The following PCDHGB5 variants were observed in gnomAD, a reference collection of about 807,000 sequenced individuals.
PCDHGB5 encodes the protein protocadherin gamma subfamily B, 5.
PCDHGB5 carries 48 observed loss-of-function variants against 62.9 expected under a neutral mutation model. That is an observed-to-expected ratio of 0.76 (90% CI 0.61 to 0.97). The LOEUF (loss-of-function observed/expected upper bound fraction) is 0.97. Among genes scored for constraint, PCDHGB5 ranks in the 50% least tolerant of loss-of-function variants. The pLI, the probability that PCDHGB5 is intolerant of heterozygous loss-of-function variation, is 0.00. For missense variants in PCDHGB5, 1,118 were observed against 1,198.6 expected, an observed-to-expected ratio of 0.93 and a Z score of 0.99; for synonymous variants, 474 against 511.2, an observed-to-expected ratio of 0.93 and a Z score of 0.98.
At position 141,477,210 on chromosome 5, in the gene PCDHGB5, C is replaced by G. The variant is rs780852225; in HGVS notation, c.2398-17597C>G. 1.2e-6 allele frequency: 2 copies of G among 1,614,142 alleles called. No individual in the cohort carries two copies. The highest frequency in any genetic ancestry group is 1.7e-6 in the Non-Finnish European group (2 of 1,180,030). On this transcript the variant is annotated intron_variant, in intron 1 of 3. Coordinates refer to ENST00000617380, the MANE Select transcript of PCDHGB5 (RefSeq NM_018925.3). The surrounding 1 kb of genome is among the most constrained non-coding windows in gnomAD (Gnocchi z 4.9). ...GTGTACAGCCCAGTACCCGAGGATG[C>G]CCCTCTGGGGACTGTCATCGCTTTG...
chr5:141,478,221 C>A, intron 1 of PCDHGB5: 1 of 1,614,122 alleles, frequency 6.2e-7, no homozygotes, highest in Non-Finnish European at 8.5e-7. Context: ...ATCCTGGTTT[C>A]TGTGGGGTTT....
chr5:141,463,364 T>C (rs1166107031), intron 1 of PCDHGB5, among the ~76,000 whole-genome samples: 2 of 150,250 alleles, frequency 1.3e-5, no homozygotes, highest in Admixed American at 6.6e-5. Context: ...TCCCCTTTCC[T>C]GCCCCACAGT....
intron 1 of PCDHGB5, chr5:141,423,241 G>C: frequency 6.2e-7 from 1 of 1,613,954 alleles, no homozygotes; most frequent in Non-Finnish European, 8.5e-7. Context: ...CATCCCCGAA[G>C]TCCTGGCGGA....
In PCDHGB5 at chr5:141,477,147, A is replaced by G. The variant is rs1195888163; in HGVS notation, c.2398-17660A>G. On this transcript the variant is annotated intron_variant, in intron 1 of 3. Coordinates refer to ENST00000617380, the MANE Select transcript of PCDHGB5 (RefSeq NM_018925.3). The surrounding 1 kb of genome is among the most constrained non-coding windows in gnomAD (Gnocchi z 4.9). The stretch of plus-strand genomic sequence containing the variant: ...TGCAAAGTGTTGGTGGAGGTTGTGG[A>G]TGTGAATGACAACGCCCCGGAGATC... 2 of 1,614,168 alleles carry G rather than the reference A, an allele frequency of 1.2e-6. No individual in the cohort carries two copies. The highest frequency in any genetic ancestry group is 1.1e-5 in the South Asian group (1 of 91,080).
intron 1 of PCDHGB5, chr5:141,478,023 A>G (rs2099428714): frequency 6.2e-7 from 1 of 1,614,112 alleles, no homozygotes; most frequent in South Asian, 1.1e-5. Flanking sequence ...CCAGTCCAAG[A>G]CACAGATTCA....
intron 1 of PCDHGB5, among the ~76,000 whole-genome samples, chr5:141,435,652 G>A (rs978809372): frequency 3.9e-5 from 6 of 152,226 alleles, no homozygotes; most frequent in East Asian, 1.9e-4. Flanking sequence ...TTTCTGAAAC[G>A]TGCACAGATT....
intron 1 of PCDHGB5, among the ~76,000 whole-genome samples, chr5:141,448,581 T>A (rs570781751): frequency 2.0e-5 from 3 of 152,274 alleles, no homozygotes; most frequent in African/African-American, 7.2e-5. Context: ...CCATTTTTTT[T>A]ACAAAAAGAT....
rs1417059875 is a variant in PCDHGB5 at position 141,496,499 on chromosome 5, G to C, written c.2456+1634G>C. 2.6e-5 allele frequency among the ~76,000 whole-genome samples: 4 copies of C among 152,102 alleles called. No individual in the cohort carries two copies. In the East Asian group the frequency reaches 7.7e-4, roughly 29 times the overall value. On this transcript the variant is annotated intron_variant, in intron 2 of 3. Coordinates refer to ENST00000617380, the MANE Select transcript of PCDHGB5 (RefSeq NM_018925.3). ...TCCTGCAACCAACCAAACCCTTGTT[G>C]CCACAAGGACCCAGGAGCCCTTGGT...
At chr5:141,467,628 C>G (rs181245841) in intron 1 of PCDHGB5, among the ~76,000 whole-genome samples, 49 of 152,224 alleles carry the variant, frequency 3.2e-4, no homozygotes, top group African/African-American at 1.1e-3. Context: ...TTTGAGATAG[C>G]ATCTTTATCA....
At chr5:141,423,160 G>A (rs1272708122) in intron 1 of PCDHGB5, 16 of 1,613,046 alleles carry the variant, frequency 9.9e-6, no homozygotes, top group Non-Finnish European at 1.2e-5. Flanking sequence ...GAGCCTCGTG[G>A]TGGCCGTCCA....
At chr5:141,414,020 C>A in intron 1 of PCDHGB5, 1 of 1,612,618 alleles carries the variant, frequency 6.2e-7, no homozygotes. Flanking sequence ...GGAGAAGTGA[C>A]ATATTCATTC....
intron 1 of PCDHGB5, among the ~76,000 whole-genome samples, chr5:141,447,761 T>C (rs2098551051): frequency 1.3e-5 from 2 of 152,186 alleles, no homozygotes; most frequent in African/African-American, 4.8e-5. Context: ...TGACTGTATA[T>C]AAATTATACT....
chr5:141,492,111 C>T (rs2154587044), intron 1 of PCDHGB5, among the ~76,000 whole-genome samples: 1 of 152,320 alleles, frequency 6.6e-6, no homozygotes, highest in South Asian at 2.1e-4. Context: ...ATTTCCTCTT[C>T]GATTTCTCCC....
At chr5:141,419,652 CG>C (rs767047378) in intron 1 of PCDHGB5, 3 of 1,612,590 alleles carry the variant, frequency 1.9e-6, no homozygotes, top group Non-Finnish European at 1.7e-6. Context: ...GACGCGGACT[CG>C]GGGCACAATG....
intron 1 of PCDHGB5, chr5:141,419,164 C>G: frequency 6.2e-7 from 1 of 1,613,966 alleles, no homozygotes; most frequent in Non-Finnish European, 8.5e-7. Context: ...TATCCTCCAG[C>G]AAAACCATAA....
chr5:141,418,987 A>AG (rs781016682), intron 1 of PCDHGB5: 1 of 1,613,974 alleles, frequency 6.2e-7, no homozygotes, highest in South Asian at 1.1e-5. Context: ...ACCAAGACTC[A>AG]GGGGAAAATG....
intron 1 of PCDHGB5, among the ~76,000 whole-genome samples, chr5:141,456,707 G>A (rs1198079338): frequency 6.6e-6 from 1 of 152,208 alleles, no homozygotes; most frequent in African/African-American, 2.4e-5. Context: ...GCTCGCGCCT[G>A]TAATCCCAGC....
intron 1 of PCDHGB5, chr5:141,404,421 C>T (rs199749783): frequency 1.2e-6 from 2 of 1,613,574 alleles, no homozygotes; most frequent in Non-Finnish European, 1.7e-6. Flanking sequence ...GTTATTTACT[C>T]CTTGGCAGAG....
chr5:141,465,343 T>A (rs1221229916), intron 1 of PCDHGB5, among the ~76,000 whole-genome samples: 1 of 152,118 alleles, frequency 6.6e-6, no homozygotes, highest in Non-Finnish European at 1.5e-5. Flanking sequence ...TATTGGTTAC[T>A]GAAGAAAAAA....
Sources: gnomAD v4.1 joint callset for allele counts (sites outside exome capture counted in the v4.1 genomes callset) on GRCh38, gnomAD v4.1.1 for gene constraint, Gnocchi (gnomAD v3.1) non-coding constraint, MANE v1.5 for transcripts, NCBI Gene and HGNC (gene_info 2026-07-23, HGNC 2026-07-21) for gene names.